Variants in INTS8 observed in about 807,000 individuals in gnomAD.
INTS8 encodes protein kaonashi-1.
In INTS8, 47 loss-of-function variants were observed where a neutral mutation model predicts 138.9. That is an observed-to-expected ratio of 0.34 (90% CI 0.27 to 0.43). INTS8 has a LOEUF of 0.43. INTS8 is among the 20% of genes least tolerant of loss of function. INTS8 has a pLI of 1.00. For missense variants in INTS8, 996 were observed against 1,173.0 expected, an observed-to-expected ratio of 0.85 and a Z score of 2.20; for synonymous variants, 392 against 400.9, an observed-to-expected ratio of 0.98 and a Z score of 0.27.
chr8:94,838,156 A>G (rs929173518), intron 7 of INTS8, among the ~76,000 whole-genome samples: 9 of 147,448 alleles, frequency 6.1e-5, no homozygotes, highest in Admixed American at 1.4e-4. Flanking sequence ...GGCTCAAGCC[A>G]TTCTCCTACC....
intron 6 of INTS8, among the ~76,000 whole-genome samples, chr8:94,833,380 A>AAT (rs1227118925): frequency 6.6e-6 from 1 of 152,018 alleles, no homozygotes; most frequent in Admixed American, 6.6e-5. Context: ...TAAAAAAAAA[A>AAT]AATTTTAATT....
chr8:94,825,856 AT>A (rs960850077), intron 2 of INTS8, among the ~76,000 whole-genome samples: 1 of 151,844 alleles, frequency 6.6e-6, no homozygotes, highest in African/African-American at 2.4e-5. Flanking sequence ...TTTTCATGTA[AT>A]TTTTTTTCTT....
chr8:94,859,031 C>T (rs533096182), intron 15 of INTS8, among the ~76,000 whole-genome samples: 4 of 152,078 alleles, frequency 2.6e-5, no homozygotes, highest in Admixed American at 6.5e-5. Flanking sequence ...TTTGGGAGTC[C>T]GAGGCGGGCA....
In INTS8 at chr8:94,873,378, G is replaced by C. The variant is rs142274581; in HGVS notation, c.2538G>C (p.Thr846=). Residue 846 remains threonine, a synonymous_variant, in exon 22 of 27, where the codon ACG becomes ACC. Transcript: ENST00000523731. ...ATGTCTGTTTTTCTGTTTCAGCAAC[G>C]AATCAGTATTCAGCAGCTCTTCACT... ...LIIQADIYFA[T]NQYSAALHYY... is the part of the protein sequence containing the mutation. The C allele has an allele frequency of 1.9e-6, 3 of 1,611,118 alleles. No homozygotes were observed. The highest frequency in any genetic ancestry group is 2.2e-5 in the South Asian group (2 of 91,018).
Position 94,849,899 on chromosome 8 carries a change from AT to A in INTS8, c.1332-14del. On this transcript the variant is annotated splice_polypyrimidine_tract_variant and intron_variant, in intron 11 of 26. Coordinates refer to ENST00000523731, the MANE Select transcript of INTS8 (RefSeq NM_017864.4). ...ATTATACACTTTTTTGTTTTACAAT[AT>A]TTCTTACTGATCTAGGAATGTGTGT... 10 of 1,565,480 alleles carry A rather than the reference AT, an allele frequency of 6.4e-6. No individual in the cohort carries two copies. Among genetic ancestry groups the A allele is most frequent in the Non-Finnish European group, 8.6e-6 (10 of 1,156,488 alleles).
At chr8:94,870,259 G>C (rs913795404) in intron 20 of INTS8, among the ~76,000 whole-genome samples, 2 of 151,946 alleles carry the variant, frequency 1.3e-5, no homozygotes, top group Non-Finnish European at 2.9e-5. Flanking sequence ...CACCATGTTA[G>C]CCAGGATGAT....
chr8:94,867,494 C>T (rs1816222667), intron 20 of INTS8, 157 bp downstream of exon 20: 2 of 568,898 alleles, frequency 3.5e-6, no homozygotes, highest in Admixed American at 3.6e-5. Context: ...TAATTATCTT[C>T]CTGTAAATTG....
At position 94,853,832 on chromosome 8, in the gene INTS8, G is replaced by A. The variant is rs751674562; in HGVS notation, c.1669G>A (p.Val557Ile). The A allele has an allele frequency of 1.2e-6, 2 of 1,609,994 alleles. No homozygotes were observed. ...KWEVPSVYSG[V>I]ILGIKDNLTR... ...GGAAGTACCTTCTGTCTATAGTGGT[G>A]TTATCCTGGGAATTAAAGACAATTT... Residue 557 changes from valine (V) to isoleucine (I), a missense_variant, in exon 14 of 27, where the codon GTT becomes ATT. Coordinates refer to ENST00000523731, the MANE Select transcript of INTS8 (RefSeq NM_017864.4).
chr8:94,878,293 A>C (rs1323064562), intron 26 of INTS8, among the ~76,000 whole-genome samples: 1 of 152,128 alleles, frequency 6.6e-6, no homozygotes, highest in Non-Finnish European at 1.5e-5. Context: ...TTTCCTGTTT[A>C]AGCCCCTGTC....
At chr8:94,859,676 A>G in intron 16 of INTS8, 44 bp downstream of exon 16, 1 of 1,497,860 alleles carries the variant, frequency 6.7e-7, no homozygotes, top group Middle Eastern at 2.2e-4. Flanking sequence ...TGGTATTATT[A>G]TACTTGTTTC....
In INTS8 at chr8:94,858,981, G is replaced by C. The variant is rs112514910; in HGVS notation, c.1955-530G>C. On this transcript the variant is annotated intron_variant, in intron 15 of 26. Coordinates refer to ENST00000523731, the MANE Select transcript of INTS8 (RefSeq NM_017864.4). ...TTATAAACAGTGTTTAAAATAAGAA[G>C]GAGGCTGGGCATGCTGGCTCACGCC... is the stretch of plus-strand genomic sequence containing the variant. 9.4e-3 allele frequency among the ~76,000 whole-genome samples: 1,428 copies of C among 152,260 alleles called. 12 individuals carry two copies. The highest frequency in any genetic ancestry group is 0.013 in the Non-Finnish European group (852 of 68,016).
At chr8:94,829,159 G>T (rs999004270) in intron 5 of INTS8, 133 bp downstream of exon 5, 16 of 673,676 alleles carry the variant, frequency 2.4e-5, no homozygotes, top group African/African-American at 5.6e-5. Context: ...GTGGGGGGCG[G>T]GGGGCGAGGA....
chr8:94,841,469 C>T, intron 8 of INTS8, 22 bp from the exon 9 acceptor site: 1 of 1,227,312 alleles, frequency 8.1e-7, no homozygotes, highest in South Asian at 1.4e-5. Flanking sequence ...GAAATGGGTG[C>T]AACTTTATGT....
At chr8:94,860,985 A>G (rs1815943625) in intron 16 of INTS8, among the ~76,000 whole-genome samples, 1 of 144,330 alleles carries the variant, frequency 6.9e-6, no homozygotes, top group Non-Finnish European at 1.5e-5. Flanking sequence ...TGAACCCGGG[A>G]GGCGGAGCTT....
At chr8:94,858,655 C>T (rs537610735) in intron 15 of INTS8, among the ~76,000 whole-genome samples, 16 of 152,214 alleles carry the variant, frequency 1.1e-4, no homozygotes, top group African/African-American at 3.6e-4. Flanking sequence ...TTTCCTTATC[C>T]CCATTTTGTA....
intron 14 of INTS8, among the ~76,000 whole-genome samples, 193 bp downstream of exon 14, chr8:94,854,108 A>G (rs1220467934): frequency 6.6e-6 from 1 of 151,372 alleles, no homozygotes; most frequent in African/African-American, 2.4e-5. Flanking sequence ...CTATAATCTC[A>G]GCTACTCGGA....
At chr8:94,874,248 T>G (rs1431506940) in intron 22 of INTS8, among the ~76,000 whole-genome samples, 1 of 8,926 alleles carries the variant, frequency 1.1e-4, no homozygotes, top group Non-Finnish European at 2.5e-4. Flanking sequence ...ATTTTGTCCG[T>G]TTTTTTTTTT....
In INTS8 at chr8:94,823,353, T is replaced by C. The variant is rs1814350709; in HGVS notation, c.-79T>C. 23 of 1,508,110 alleles carry C rather than the reference T, an allele frequency of 1.5e-5. No individual in the cohort carries two copies. Among genetic ancestry groups the C allele is most frequent in the South Asian group, 8.9e-5 (7 of 78,958 alleles). 93.4% of individuals were successfully genotyped at this position (1,508,110 alleles called of 1,614,324 possible). ...GGCCTCTCTCCCACCGGGTTCCGCA[T>C]ACCCCAGGCACCGGCCCGCATCCAA... On this transcript the variant is annotated 5_prime_UTR_variant, in exon 1 of 27. Transcript: ENST00000523731.
chr8:94,880,232 T>G lies in INTS8; in HGVS notation c.2986T>G (p.Ter996GluextTer6). The change falls in exon 27 of 27, where the codon TAA becomes GAA. Residue 996 changes from the stop codon to glutamate, a stop_lost. Transcript: ENST00000523731. ...CCAAGCAATGGCAAAACTTTACTTT[T>G]AAGCAGTTAAATTTTTTTAACTTTT... ...FLQAMAKLYF[*>E] 1 of 1,562,306 alleles carries G rather than the reference T, an allele frequency of 6.4e-7. No homozygotes were observed. The highest frequency in any genetic ancestry group is 8.7e-7 in the Non-Finnish European group (1 of 1,146,236).
Sources: gnomAD v4.1 joint callset for allele counts (sites outside exome capture counted in the v4.1 genomes callset) on GRCh38, gnomAD v4.1.1 for gene constraint, MANE v1.5 for transcripts, NCBI Gene and HGNC (gene_info 2026-07-23, HGNC 2026-07-21) for gene names.